The following PDZRN4 variants were observed in gnomAD, a reference collection of about 807,000 sequenced individuals.
The protein encoded by PDZRN4 is PDZ domain-containing RING finger protein 4.
Under a neutral mutation model 99.0 loss-of-function variants are expected in PDZRN4, and 70 were observed. The observed-to-expected ratio is 0.71, with a 90% confidence interval of 0.58 to 0.86. The LOEUF (loss-of-function observed/expected upper bound fraction) is 0.86. Among genes scored for constraint, PDZRN4 ranks in the 40% least tolerant of loss-of-function variants. PDZRN4 has a pLI of 0.00. For missense variants in PDZRN4, 1,474 were observed against 1,331.2 expected, an observed-to-expected ratio of 1.11 and a Z score of -1.67; for synonymous variants, 551 against 501.6, an observed-to-expected ratio of 1.10 and a Z score of -1.32.
At chr12:41,542,146 AAAG>A (rs1469591769) in intron 5 of PDZRN4, among the ~76,000 whole-genome samples, 2 of 152,328 alleles carry the variant, frequency 1.3e-5, no homozygotes, top group Non-Finnish European at 2.9e-5. Context: ...GCTAATGTCA[AAAG>A]AAGGTTGTTA....
intron 5 of PDZRN4, among the ~76,000 whole-genome samples, chr12:41,529,370 A>T (rs1208970827): frequency 6.6e-6 from 1 of 152,140 alleles, no homozygotes; most frequent in Non-Finnish European, 1.5e-5. Flanking sequence ...CCTAGATGAG[A>T]TATTGAGTTA....
chr12:41,345,838 C>T (rs938338426), intron 3 of PDZRN4, among the ~76,000 whole-genome samples: 1 of 152,050 alleles, frequency 6.6e-6, no homozygotes, highest in South Asian at 2.1e-4. Context: ...TCACTGTTTT[C>T]CAATTGGATT....
intron 3 of PDZRN4, among the ~76,000 whole-genome samples, chr12:41,311,820 A>G (rs1403189746): frequency 6.6e-6 from 1 of 152,232 alleles, no homozygotes; most frequent in Non-Finnish European, 1.5e-5. Context: ...GTGACTTTTA[A>G]AAGAAAACAT....
intron 3 of PDZRN4, among the ~76,000 whole-genome samples, chr12:41,308,104 A>G (rs546345651): frequency 6.6e-6 from 1 of 152,192 alleles, no homozygotes; most frequent in Non-Finnish European, 1.5e-5. Context: ...CTAACATCAA[A>G]AAATAATTTT....
intron 3 of PDZRN4, among the ~76,000 whole-genome samples, chr12:41,489,405 G>T (rs184734513): frequency 4.6e-5 from 7 of 152,024 alleles, no homozygotes; most frequent in East Asian, 1.9e-4. Flanking sequence ...CCAGACTAAA[G>T]GTTCTAGCAA....
chr12:41,495,536 C>G (rs1299710673), intron 3 of PDZRN4, among the ~76,000 whole-genome samples: 2 of 152,086 alleles, frequency 1.3e-5, no homozygotes, highest in Non-Finnish European at 2.9e-5. Context: ...ACTATCCACA[C>G]TGTCCCTGTC....
At chr12:41,412,002 G>A (rs926606127) in intron 3 of PDZRN4, 9 of 152,230 alleles carry the variant, frequency 5.9e-5, no homozygotes, top group South Asian at 2.1e-4. Context: ...TCTTAGTTAA[G>A]GCAAGGTATA....
At chr12:41,438,716 G>A (rs375900770) in intron 3 of PDZRN4, among the ~76,000 whole-genome samples, 1 of 152,238 alleles carries the variant, frequency 6.6e-6, no homozygotes, top group East Asian at 1.9e-4. Context: ...GTATCTGAGG[G>A]CTTTTAGGAA....
chr12:41,332,773 A>C (rs1951749010), intron 3 of PDZRN4, among the ~76,000 whole-genome samples: 1 of 148,684 alleles, frequency 6.7e-6, no homozygotes, highest in Non-Finnish European at 1.5e-5. Context: ...AAAGATCTGG[A>C]AGTGACAATA....
intron 3 of PDZRN4, among the ~76,000 whole-genome samples, chr12:41,455,454 A>C (rs1327199531): frequency 1.3e-5 from 2 of 152,232 alleles, no homozygotes; most frequent in Non-Finnish European, 2.9e-5. Flanking sequence ...TTTAATTCAA[A>C]TACAAAGAGT....
intron 3 of PDZRN4, among the ~76,000 whole-genome samples, chr12:41,318,102 TA>T (rs1178577908): frequency 1.3e-5 from 2 of 152,150 alleles, no homozygotes; most frequent in East Asian, 1.9e-4. Context: ...AATATCCCAT[TA>T]AAAAACAACC....
At chr12:41,497,711 T>C (rs1477230524) in intron 3 of PDZRN4, among the ~76,000 whole-genome samples, 1 of 152,170 alleles carries the variant, frequency 6.6e-6, no homozygotes, top group Non-Finnish European at 1.5e-5. Context: ...TGATATTCAG[T>C]AGATGAATTA....
intron 3 of PDZRN4, among the ~76,000 whole-genome samples, chr12:41,299,519 CCT>C (rs1210521961): frequency 3.9e-5 from 6 of 151,910 alleles, no homozygotes; most frequent in Non-Finnish European, 7.4e-5. Flanking sequence ...TTTATAATCC[CCT>C]GTTTTTTTAG....
chr12:41,489,674 GTT>G (rs34309822), intron 3 of PDZRN4, among the ~76,000 whole-genome samples: 25,127 of 144,828 alleles, frequency 0.17, 2,537 homozygotes, highest in Non-Finnish European at 0.24. Context: ...AGATTTCCAG[GTT>G]TTTTTTTTTT....
intron 3 of PDZRN4, among the ~76,000 whole-genome samples, chr12:41,370,713 C>A (rs1490054954): frequency 1.3e-5 from 2 of 151,928 alleles, no homozygotes; most frequent in South Asian, 4.2e-4. Flanking sequence ...TTAAACCATG[C>A]ATATCTTGGT....
chr12:41,430,634 CAA>C (rs1332061779), intron 3 of PDZRN4, among the ~76,000 whole-genome samples: 1 of 151,988 alleles, frequency 6.6e-6, no homozygotes, highest in African/African-American at 2.4e-5. Context: ...AACTAGGAAA[CAA>C]AAAGCCTTTT....
chr12:41,225,006 C>A (rs1027528418), intron 3 of PDZRN4, among the ~76,000 whole-genome samples: 2 of 151,950 alleles, frequency 1.3e-5, no homozygotes, highest in African/African-American at 4.8e-5. Context: ...AAATAGAATA[C>A]TTAAAGAAAA....
In PDZRN4 at chr12:41,573,296, A is replaced by C. The variant is rs757357893; in HGVS notation, c.2517A>C (p.Arg839Ser). The C allele has an allele frequency of 6.2e-7, 1 of 1,613,560 alleles. No individual in the cohort carries two copies. Among genetic ancestry groups the C allele is most frequent in the Non-Finnish European group, 8.5e-7 (1 of 1,180,010 alleles). Residue 839 changes from arginine (R) to serine (S), a missense_variant, in exon 10 of 10, where the codon AGA becomes AGC. Coordinates refer to ENST00000402685, the MANE Select transcript of PDZRN4 (RefSeq NM_001164595.2). Reference protein sequence around the residue: ...YLSPYHSSSYRYANIPAHARH... With the variant: ...YLSPYHSSSYSYANIPAHARH... ...CTCCTTACCACAGCTCCTCATATAG[A>C]TATGCAAACATCCCAGCACACGCCC...
At chr12:41,192,463 GA>G (rs1426841638) in intron 2 of PDZRN4, among the ~76,000 whole-genome samples, 2 of 152,152 alleles carry the variant, frequency 1.3e-5, no homozygotes, top group African/African-American at 4.8e-5. Flanking sequence ...TACTTTAAAA[GA>G]AGAAAAGGAA....
Sources: gnomAD v4.1 joint callset for allele counts (sites outside exome capture counted in the v4.1 genomes callset) on GRCh38, gnomAD v4.1.1 for gene constraint, MANE v1.5 for transcripts, NCBI Gene and HGNC (gene_info 2026-07-23, HGNC 2026-07-21) for gene names.